ARL13B: variants seen among roughly 807,000 people sequenced by gnomAD.
The protein encoded by ARL13B is ADP-ribosylation factor-like protein 13B.
A neutral mutation model predicts 56.1 loss-of-function variants in ARL13B; 36 were observed. The observed-to-expected ratio is 0.64, with a 90% CI of 0.49 to 0.85. The LOEUF is 0.85. ARL13B is among the 40% of genes least tolerant of loss of function. ARL13B has a pLI of 0.00. For missense variants in ARL13B, 519 were observed against 507.1 expected (o/e 1.02, Z -0.23); for synonymous variants, 178 against 171.1 (o/e 1.04, Z -0.32).
chr3:94,031,425 G>T (rs921170496), intron 3 of ARL13B, among the ~76,000 whole-genome samples: 1 of 152,032 alleles, frequency 6.6e-6, no homozygotes, highest in Non-Finnish European at 1.5e-5. Context: ...AAAGATCAAG[G>T]CTTCTTGGGG....
At chr3:94,038,490 T>C (rs1244790392) in intron 5 of ARL13B, among the ~76,000 whole-genome samples, 1 of 151,072 alleles carries the variant, frequency 6.6e-6, no homozygotes, top group African/African-American at 2.4e-5. Context: ...TTCTTTCTTT[T>C]TTTTTTTTTT....
At chr3:94,027,340 A>G (rs1312841844) in intron 3 of ARL13B, among the ~76,000 whole-genome samples, 1 of 152,080 alleles carries the variant, frequency 6.6e-6, no homozygotes, top group Admixed American at 6.5e-5. Context: ...ATTTTGAAGT[A>G]TCTGACTTTT....
At chr3:94,014,430 G>T (rs2076283963) in intron 3 of ARL13B, 4 of 1,587,574 alleles carry the variant, frequency 2.5e-6, no homozygotes, top group East Asian at 4.5e-5. Flanking sequence ...ACAGTACTCT[G>T]CAAGGATTTC....
chr3:94,019,090 T>C (rs1182245469), intron 3 of ARL13B, among the ~76,000 whole-genome samples: 1 of 151,778 alleles, frequency 6.6e-6, no homozygotes. Context: ...ACTTTTTTTT[T>C]CTACATTTCA....
intron 3 of ARL13B, among the ~76,000 whole-genome samples, chr3:94,034,233 A>T (rs1202359884): frequency 6.6e-6 from 1 of 152,132 alleles, no homozygotes; most frequent in Non-Finnish European, 1.5e-5. Flanking sequence ...GGAAATACAA[A>T]AAAAAAGAAG....
chr3:93,983,570 C>T (rs374809323), intron 1 of ARL13B, among the ~76,000 whole-genome samples: 9 of 152,154 alleles, frequency 5.9e-5, no homozygotes, highest in Admixed American at 4.6e-4. Context: ...GTGCCTTTTT[C>T]ACTGAGAAAA....
chr3:94,001,966 T>C (rs1410402837), intron 2 of ARL13B, among the ~76,000 whole-genome samples: 1 of 152,228 alleles, frequency 6.6e-6, no homozygotes, highest in Non-Finnish European at 1.5e-5. Flanking sequence ...GTAATGAAAG[T>C]ATTAGCAAAA....
chr3:94,028,864 T>C (rs765027717), intron 3 of ARL13B, among the ~76,000 whole-genome samples: 7 of 152,138 alleles, frequency 4.6e-5, no homozygotes, highest in Non-Finnish European at 1.0e-4. Context: ...TAAATAGGAA[T>C]GAAAAGAAGC....
chr3:93,983,592 C>T (rs551253841), intron 1 of ARL13B, among the ~76,000 whole-genome samples: 11 of 152,202 alleles, frequency 7.2e-5, no homozygotes, highest in South Asian at 2.1e-4. Context: ...CAAGAGTCAT[C>T]GGTTTTTCAT....
At chr3:94,000,560 A>AAT (rs2076037328) in intron 2 of ARL13B, among the ~76,000 whole-genome samples, 1 of 151,954 alleles carries the variant, frequency 6.6e-6, no homozygotes, top group East Asian at 1.9e-4. Flanking sequence ...GGAAAAAAAA[A>AAT]ACAAAAAAAT....
Position 94,043,050 on chromosome 3 carries a change from A to T in ARL13B, c.834A>T (p.Gln278His), listed in dbSNP as rs772186970. The T allele has an allele frequency of 1.2e-5, 19 of 1,611,188 alleles. No homozygotes were observed. In the Admixed American group the frequency reaches 3.2e-4, roughly 27 times the overall value. Residue 278 changes from glutamine (Q) to histidine (H), a missense_variant, in exon 7 of 10, where the codon CAA becomes CAT. By Grantham distance (24) the Gln-to-His change is conservative. Coordinates refer to ENST00000394222, the MANE Select transcript of ARL13B (RefSeq NM_001174150.2). Reference sequence around the variant, plus strand: ...AACTTGAAAGAGAGAAAAAAAACCAAAAAATGGAGAAAGACAGTGATGGCT... The same window carrying T: ...AACTTGAAAGAGAGAAAAAAAACCATAAAATGGAGAAAGACAGTGATGGCT... ...EGKLEREKKN[Q>H]KMEKDSDGCH...
chr3:94,041,802 C>T (rs1424035931), intron 6 of ARL13B, among the ~76,000 whole-genome samples: 2 of 152,112 alleles, frequency 1.3e-5, no homozygotes, highest in Admixed American at 6.5e-5. Context: ...TGGCCAGGCA[C>T]GGTGGCTCAC....
chr3:94,053,232 C>G lies in ARL13B; in HGVS notation c.1256C>G (p.Pro419Arg). 2 of 1,613,374 alleles carry G rather than the reference C, an allele frequency of 1.2e-6. No individual in the cohort carries two copies. Among genetic ancestry groups the G allele is most frequent in the Non-Finnish European group, 1.7e-6 (2 of 1,179,754 alleles). The change falls in exon 10 of 10, where the codon CCT becomes CGT. Residue 419 changes from proline to arginine, a missense_variant. Coordinates refer to ENST00000394222, the MANE Select transcript of ARL13B (RefSeq NM_001174150.2). Reference protein sequence around the residue: ...PLPPLAVPQRPNSDAHDVIS With the variant: ...PLPPLAVPQRRNSDAHDVIS ...CCTCCCCTGGCTGTGCCACAGCGAC[C>G]TAACAGTGATGCTCATGATGTGATC...
chr3:93,982,821 T>G (rs904742639), intron 1 of ARL13B, among the ~76,000 whole-genome samples: 1 of 152,202 alleles, frequency 6.6e-6, no homozygotes, highest in African/African-American at 2.4e-5. Context: ...TGTAGTTCGA[T>G]TTTTCTTAGT....
intron 3 of ARL13B, among the ~76,000 whole-genome samples, chr3:94,025,443 T>C (rs976311532): frequency 2.6e-5 from 4 of 152,230 alleles, no homozygotes; most frequent in Non-Finnish European, 4.4e-5. Context: ...TGTATTTCTT[T>C]TGAACATTTA....
At chr3:93,989,338 A>G (rs938814921) in intron 1 of ARL13B, among the ~76,000 whole-genome samples, 9 of 152,152 alleles carry the variant, frequency 5.9e-5, no homozygotes, top group African/African-American at 1.7e-4. Context: ...TGTGTGCCCA[A>G]CACATTTGAT....
chr3:94,044,409 C>T (rs1302023454), intron 7 of ARL13B, among the ~76,000 whole-genome samples: 3 of 147,384 alleles, frequency 2.0e-5, no homozygotes, highest in Non-Finnish European at 4.5e-5. Flanking sequence ...GTGGGGAGTG[C>T]CTCTGCCCGG....
chr3:94,017,728 T>C (rs1188131826), intron 3 of ARL13B, among the ~76,000 whole-genome samples: 1 of 152,126 alleles, frequency 6.6e-6, no homozygotes. Flanking sequence ...TAAGCAGATA[T>C]TTGAGATGTG....
At position 94,049,347 on chromosome 3, in the gene ARL13B, C is replaced by G. The variant is rs1009412618; in HGVS notation, c.1025-59C>G. On this transcript the variant is annotated intron_variant, in intron 7 of 9. Transcript: ENST00000394222. The stretch of plus-strand genomic sequence containing the variant: ...GTATTCTTGTTGTATTCTTTGTTTT[C>G]TATTATAAAAGTGCACTTTTTCATA... 5.1e-6 allele frequency: 5 copies of G among 988,938 alleles called. No homozygotes were observed. The African/African-American group carries it at 8.2e-5, about 16-fold the overall frequency. The allele number at this position is 988,938 out of a possible 1,614,324, so 61.3% of individuals were successfully genotyped here. A position where few individuals can be genotyped will look rare whatever the true frequency, so the allele number is the denominator to read the frequency against.
Sources: allele counts gnomAD v4.1 joint callset (sites outside exome capture counted in the v4.1 genomes callset), GRCh38; gene constraint gnomAD v4.1.1; transcripts MANE v1.5; gene names NCBI Gene and HGNC (gene_info 2026-07-23, HGNC 2026-07-21).